The following CLDN14 variants were observed in gnomAD, a reference collection of about 807,000 sequenced individuals.
CLDN14 encodes claudin-14.
A neutral mutation model predicts 2.1 loss-of-function variants in CLDN14; 2 were observed. The ratio of observed to expected loss-of-function variants is 0.96; its 90% CI spans 0.39 to 3.01. CLDN14 has a LOEUF of 3.01. Ranked by LOEUF, CLDN14 falls within the 30% of genes most tolerant of loss-of-function variation. The probability of loss-of-function intolerance (pLI) is 0.09; values close to 1 mark genes in which losing one functional copy is unlikely to be tolerated. For synonymous variants in CLDN14, 136 were observed against 154.4 expected (o/e 0.88, Z 0.88); for missense variants, 298 against 328.0 (o/e 0.91, Z 0.71).
At chr21:36,509,870 A>G (rs2087170056) in intron 2 of CLDN14, among the ~76,000 whole-genome samples, 1 of 152,152 alleles carries the variant, frequency 6.6e-6, no homozygotes, top group African/African-American at 2.4e-5. Context: ...CTGGGATTAC[A>G]GACGTGAGCC....
intron 2 of CLDN14, chr21:36,486,957 G>T (rs1340236200): frequency 1.1e-5 from 5 of 473,550 alleles, no homozygotes; most frequent in South Asian, 2.1e-5. Flanking sequence ...GGGCCATGTT[G>T]TTCTCAGGGT....
At chr21:36,489,131 A>AAAAAAAAAAATATAT in intron 2 of CLDN14, among the ~76,000 whole-genome samples, 2 of 62,736 alleles carry the variant, frequency 3.2e-5, no homozygotes, top group African/African-American at 1.2e-4. Flanking sequence ...AAAAAAAAAA[A>AAAAAAAAAAATATAT]ATATATATAT....
intron 1 of CLDN14, among the ~76,000 whole-genome samples, chr21:36,554,804 G>T (rs1371264366): frequency 1.3e-5 from 2 of 152,152 alleles, no homozygotes; most frequent in Non-Finnish European, 2.9e-5. Context: ...GGAGGCACTT[G>T]GTAAGTACTG....
intron 1 of CLDN14, among the ~76,000 whole-genome samples, chr21:36,473,723 G>C (rs2086738546): frequency 6.6e-6 from 1 of 152,222 alleles, no homozygotes; most frequent in African/African-American, 2.4e-5. Flanking sequence ...ACGTTAGATA[G>C]AGAGGAGCAG....
rs377158505 is a variant in CLDN14, at chr21:36,519,484, G to A, written c.-219-8984C>T. 5.9e-5 allele frequency among the ~76,000 whole-genome samples: 9 copies of A among 152,324 alleles called. No individual in the cohort carries two copies. The East Asian group carries it at 1.4e-3, about 23-fold the overall frequency. On this transcript the variant is annotated intron_variant, in intron 1 of 2. Coordinates refer to the CLDN14 transcript ENST00000342108. ...CCCAGCACTTGGGAGGCTGAGGCGG[G>A]TGGATCACCTGAGGTCAGGAGTTTG...
intron 1 of CLDN14, among the ~76,000 whole-genome samples, chr21:36,534,637 G>A (rs1271822598): frequency 2.6e-5 from 4 of 152,162 alleles, no homozygotes; most frequent in African/African-American, 9.7e-5. Context: ...ACTCCTCAGC[G>A]AGGCGCACAC....
intron 1 of CLDN14, among the ~76,000 whole-genome samples, chr21:36,539,068 G>A (rs1290536787): frequency 6.6e-6 from 1 of 152,242 alleles, no homozygotes; most frequent in African/African-American, 2.4e-5. Context: ...ACTCCAGAAT[G>A]ATGGCTGGGA....
Position 36,562,837 on chromosome 21 carries a change from G to A in CLDN14, c.-220+13574C>T, listed in dbSNP as rs533953161. Among the ~76,000 whole-genome samples the A allele has an allele frequency of 5.9e-5, 9 of 152,158 alleles. No homozygotes were observed. The East Asian group carries it at 1.5e-3, about 26-fold the overall frequency. ...TTTTGTGGTGAGCCCACTGGCCTGG[G>A]AATTCTAATAACCCTGGCTTCATGG... On this transcript the variant is annotated intron_variant, in intron 1 of 2. Coordinates refer to the CLDN14 transcript ENST00000342108.
intron 2 of CLDN14, among the ~76,000 whole-genome samples, chr21:36,489,132 ATATAT>A (rs1208653352): frequency 1.8e-3 from 73 of 40,288 alleles, no homozygotes; most frequent in African/African-American, 4.0e-3. Context: ...AAAAAAAAAA[ATATAT>A]ATATATATAT....
rs1340876975 is a variant in CLDN14, at chr21:36,553,824, C to T, written c.-220+22587G>A. ...AGATGAGGGATGAGGCATGGCCGGC[C>T]CACATCATTCCATCTGTGGAGACAA... On this transcript the variant is annotated intron_variant, in intron 1 of 2. Coordinates refer to the CLDN14 transcript ENST00000342108. Among the ~76,000 whole-genome samples the T allele has an allele frequency of 2.6e-5, 4 of 152,094 alleles. No individual in the cohort carries two copies. In the East Asian group the frequency reaches 5.8e-4, roughly 22 times the overall value.
chr21:36,465,924 C>T (rs1208017186), intron 1 of CLDN14, among the ~76,000 whole-genome samples: 2 of 152,208 alleles, frequency 1.3e-5, no homozygotes, highest in Non-Finnish European at 2.9e-5. Flanking sequence ...TTTGGGTTCA[C>T]AAAACCCCAA....
At chr21:36,509,807 G>A (rs1391469446) in intron 2 of CLDN14, among the ~76,000 whole-genome samples, 2 of 152,090 alleles carry the variant, frequency 1.3e-5, no homozygotes, top group African/African-American at 2.4e-5. Flanking sequence ...TGCTGACCAG[G>A]CTAGTCTCGA....
At position 36,522,657 on chromosome 21, in the gene CLDN14, C is replaced by T. The variant is rs985120471; in HGVS notation, c.-219-12157G>A. ...GAACAGCGCAAGAAGATGCGGCTGTCCCCGGAGCCCAACACATAAATTACA... is the reference window on the plus strand; with the variant it reads ...GAACAGCGCAAGAAGATGCGGCTGTTCCCGGAGCCCAACACATAAATTACA... On this transcript the variant is annotated intron_variant, in intron 1 of 2. Coordinates refer to the CLDN14 transcript ENST00000342108. Among the ~76,000 whole-genome samples the T allele has an allele frequency of 2.0e-5, 3 of 152,234 alleles. No individual in the cohort carries two copies. In the South Asian group the frequency reaches 6.2e-4, roughly 32 times the overall value.
At chr21:36,535,533 A>T (rs563969769) in intron 1 of CLDN14, among the ~76,000 whole-genome samples, 2 of 152,394 alleles carry the variant, frequency 1.3e-5, no homozygotes, top group Admixed American at 1.3e-4. Flanking sequence ...AATTATAACT[A>T]TAAAAATACA....
intron 1 of CLDN14, among the ~76,000 whole-genome samples, chr21:36,476,270 G>A (rs1055777130): frequency 6.6e-6 from 1 of 152,098 alleles, no homozygotes. Context: ...AAGTGGTTGG[G>A]GGGGTGGTTC....
intron 2 of CLDN14, among the ~76,000 whole-genome samples, chr21:36,509,764 T>C (rs751393777): frequency 6.6e-6 from 1 of 151,906 alleles, no homozygotes; most frequent in East Asian, 1.9e-4. Flanking sequence ...CCCAGCTAAT[T>C]TTTGTATTTT....
chr21:36,523,823 GAA>G (rs1211294367), intron 1 of CLDN14, among the ~76,000 whole-genome samples: 2 of 142,850 alleles, frequency 1.4e-5, no homozygotes, highest in African/African-American at 5.6e-5. Context: ...AAGAAAGAAA[GAA>G]AGAAAGAAAG....
chr21:36,478,561 C>G (rs933358070), intron 1 of CLDN14, among the ~76,000 whole-genome samples: 1 of 152,224 alleles, frequency 6.6e-6, no homozygotes, highest in Admixed American at 6.5e-5. Flanking sequence ...CAGTGAGTGA[C>G]TGAGAGACAC....
chr21:36,529,400 T>C (rs988036941), intron 1 of CLDN14, among the ~76,000 whole-genome samples: 1 of 152,118 alleles, frequency 6.6e-6, no homozygotes, highest in East Asian at 1.9e-4. Context: ...GCGATTCTCC[T>C]GCCTCAGCCT....
Sources: gnomAD v4.1 joint callset for allele counts (sites outside exome capture counted in the v4.1 genomes callset) on GRCh38, gnomAD v4.1.1 for gene constraint, MANE v1.5 for transcripts, NCBI Gene and HGNC (gene_info 2026-07-23, HGNC 2026-07-21) for gene names.